The following GALNT1 variants were observed in gnomAD, a reference collection of about 807,000 sequenced individuals.
GALNT1 encodes the protein polypeptide N-acetylgalactosaminyltransferase 1, also known as GalNAc transferase 1.
Under a neutral mutation model 65.7 loss-of-function variants are expected in GALNT1, and 17 were observed. The observed-to-expected ratio is 0.26, with a 90% CI of 0.18 to 0.39. GALNT1 has a LOEUF of 0.39. Ranked by LOEUF, GALNT1 falls within the 10% of genes least tolerant of loss-of-function variation. The pLI, the probability that GALNT1 is intolerant of heterozygous loss-of-function variation, is 1.00. For missense variants in GALNT1, 460 were observed against 672.8 expected (o/e 0.68, Z 3.50); for synonymous variants, 210 against 219.7 (o/e 0.96, Z 0.39).
chr18:35,689,971 A>C (rs2047931786), intron 7 of GALNT1, among the ~76,000 whole-genome samples: 1 of 152,084 alleles, frequency 6.6e-6, no homozygotes, highest in Non-Finnish European at 1.5e-5. Flanking sequence ...TTCTTGTCAA[A>C]GAGAGGGTTG....
At position 35,669,958 on chromosome 18, in the gene GALNT1, A is replaced by G. The variant is rs943357667; in HGVS notation, c.314+6156A>G. On this transcript the variant is annotated intron_variant, in intron 3 of 11. Transcript: ENST00000269195. ...TTATTTGCAGTTGACATGATTGTGT[A>G]TAACAAAAATCCAAAAGAATTAGAG... is the stretch of plus-strand genomic sequence containing the variant. 7.2e-5 allele frequency among the ~76,000 whole-genome samples: 11 copies of G among 152,350 alleles called. 1 individual carries two copies. The South Asian group carries it at 2.3e-3, about 32-fold the overall frequency.
intron 3 of GALNT1, among the ~76,000 whole-genome samples, chr18:35,674,450 A>G (rs761904239): frequency 2.0e-5 from 3 of 152,190 alleles, no homozygotes; most frequent in Non-Finnish European, 4.4e-5. Flanking sequence ...GCAACCGCAC[A>G]GTATGAGGGA....
intron 9 of GALNT1, among the ~76,000 whole-genome samples, chr18:35,692,722 A>G (rs905674221): frequency 3.3e-5 from 5 of 152,196 alleles, no homozygotes; most frequent in African/African-American, 1.2e-4. Flanking sequence ...TTTAGAAAAA[A>G]ATATGAAGCC....
At chr18:35,597,964 TATTGAGCAA>T (rs1372351661) in intron 1 of GALNT1, among the ~76,000 whole-genome samples, 2 of 148,368 alleles carry the variant, frequency 1.3e-5, no homozygotes, top group Admixed American at 1.4e-4. Context: ...CTGACTATAC[TATTGAGCAA>T]TAGCTTTTCA....
chr18:35,649,279 T>C (rs1016372643), intron 1 of GALNT1, among the ~76,000 whole-genome samples: 1 of 152,234 alleles, frequency 6.6e-6, no homozygotes, highest in African/African-American at 2.4e-5. Flanking sequence ...TGTTTCATTG[T>C]GGTTTTAATT....
intron 4 of GALNT1, among the ~76,000 whole-genome samples, chr18:35,681,710 A>T (rs1296768609): frequency 6.6e-6 from 1 of 152,182 alleles, no homozygotes; most frequent in African/African-American, 2.4e-5. Flanking sequence ...AATTCTGGAT[A>T]CAAAGTATTT....
intron 1 of GALNT1, among the ~76,000 whole-genome samples, chr18:35,586,060 G>A (rs1218455405): frequency 6.6e-6 from 1 of 152,174 alleles, no homozygotes; most frequent in Non-Finnish European, 1.5e-5. Context: ...TTTGTAAAAT[G>A]TTCTAGCATG....
At chr18:35,635,791 T>A (rs138213433) in intron 1 of GALNT1, among the ~76,000 whole-genome samples, 3 of 152,290 alleles carry the variant, frequency 2.0e-5, no homozygotes, top group African/African-American at 7.2e-5. Context: ...CTTTTGGATT[T>A]CCTATTTTTG....
At chr18:35,582,113 C>T (rs1349770604) in intron 1 of GALNT1, among the ~76,000 whole-genome samples, 2 of 152,034 alleles carry the variant, frequency 1.3e-5, no homozygotes, top group Non-Finnish European at 2.9e-5. Context: ...GAGTTAGAAC[C>T]GTTTTTCTTT....
intron 1 of GALNT1, among the ~76,000 whole-genome samples, chr18:35,586,766 C>T (rs113499629): frequency 8.6e-4 from 131 of 152,270 alleles, no homozygotes; most frequent in African/African-American, 3.0e-3. Flanking sequence ...ATGGGGTAGA[C>T]TGATTCCTCC....
chr18:35,634,459 G>C (rs919214058), intron 1 of GALNT1, among the ~76,000 whole-genome samples: 39 of 152,302 alleles, frequency 2.6e-4, no homozygotes, highest in African/African-American at 8.7e-4. Context: ...CTAACAGCCA[G>C]GATTTATTAC....
At chr18:35,607,467 G>A (rs1243808650) in intron 1 of GALNT1, among the ~76,000 whole-genome samples, 1 of 152,098 alleles carries the variant, frequency 6.6e-6, no homozygotes, top group Admixed American at 6.6e-5. Context: ...CATGCATGCT[G>A]TAGCATAGGA....
At chr18:35,668,574 T>G (rs2047582034) in intron 3 of GALNT1, among the ~76,000 whole-genome samples, 1 of 152,090 alleles carries the variant, frequency 6.6e-6, no homozygotes, top group African/African-American at 2.4e-5. Flanking sequence ...ATAGTCAAAC[T>G]CGTAGAGGCA....
At chr18:35,617,920 C>T (rs1001771887) in intron 1 of GALNT1, among the ~76,000 whole-genome samples, 1 of 151,982 alleles carries the variant, frequency 6.6e-6, no homozygotes, top group Non-Finnish European at 1.5e-5. Context: ...TATTTCTCTC[C>T]CTTTCTCTTC....
At position 35,600,451 on chromosome 18, in the gene GALNT1, A is replaced by G. The variant is rs150885231; in HGVS notation, c.-104+18589A>G. 6.4e-3 allele frequency among the ~76,000 whole-genome samples: 975 copies of G among 152,272 alleles called. 10 individuals carry two copies. Among genetic ancestry groups the G allele is most frequent in the African/African-American group, 0.022 (900 of 41,558 alleles). On this transcript the variant is annotated intron_variant, in intron 1 of 11. Transcript: ENST00000269195. ...AGTCTTAGGGTTTTCTAAATATAATACCATGTTGTTGCAAACAAGGATAAT... is the reference window on the plus strand; with the variant it reads ...AGTCTTAGGGTTTTCTAAATATAATGCCATGTTGTTGCAAACAAGGATAAT...
intron 1 of GALNT1, among the ~76,000 whole-genome samples, chr18:35,584,912 G>A (rs577238935): frequency 6.6e-6 from 1 of 152,358 alleles, no homozygotes; most frequent in South Asian, 2.1e-4. Flanking sequence ...CTGGTTCATG[G>A]CTTGGGGGTT....
intron 1 of GALNT1, among the ~76,000 whole-genome samples, chr18:35,644,304 C>T (rs1037398033): frequency 2.0e-5 from 3 of 152,150 alleles, no homozygotes; most frequent in African/African-American, 7.2e-5. Context: ...ATTGGTTCTC[C>T]TTTTTCTTTG....
At chr18:35,599,967 A>G (rs1256161864) in intron 1 of GALNT1, among the ~76,000 whole-genome samples, 1 of 152,110 alleles carries the variant, frequency 6.6e-6, no homozygotes, top group Non-Finnish European at 1.5e-5. Flanking sequence ...TGTGATGCCT[A>G]CAGCTTTATT....
intron 1 of GALNT1, among the ~76,000 whole-genome samples, chr18:35,651,520 T>G (rs2047311112): frequency 6.6e-6 from 1 of 152,132 alleles, no homozygotes; most frequent in African/African-American, 2.4e-5. Context: ...TACTTTGGGG[T>G]TTGATGTCCT....
Sources: gnomAD v4.1 joint callset for allele counts (sites outside exome capture counted in the v4.1 genomes callset) on GRCh38, gnomAD v4.1.1 for gene constraint, MANE v1.5 for transcripts, NCBI Gene and HGNC (gene_info 2026-07-23, HGNC 2026-07-21) for gene names.